ERICH1: variants seen among roughly 807,000 people sequenced by gnomAD.
ERICH1 encodes glutamate rich 1.
ERICH1 carries 56 observed loss-of-function variants against 39.6 expected under a neutral mutation model. The ratio of observed to expected loss-of-function variants is 1.41; its 90% CI spans 1.14 to 1.77. The LOEUF is 1.77. Ranked by LOEUF, ERICH1 falls within the 40% of genes most tolerant of loss-of-function variation. ERICH1 has a pLI of 0.00. For synonymous variants in ERICH1, 313 were observed against 223.6 expected (o/e 1.40, Z -3.57); for missense variants, 826 against 575.4 (o/e 1.44, Z -4.45).
At chr8:717,380 T>C (rs1048863996) in intron 1 of ERICH1, among the ~76,000 whole-genome samples, 8 of 152,142 alleles carry the variant, frequency 5.3e-5, no homozygotes, top group Non-Finnish European at 7.4e-5. Context: ...GCCTCAAGCA[T>C]ACCTGCCCGG....
intron 3 of ERICH1, among the ~76,000 whole-genome samples, chr8:625,025 C>CTACA (rs1797524141): frequency 6.6e-6 from 1 of 152,176 alleles, no homozygotes; most frequent in Non-Finnish European, 1.5e-5. Context: ...TGCACCCGGC[C>CTACA]TACACACTTT....
chr8:618,636 G>C (rs1255566466), intron 3 of ERICH1, among the ~76,000 whole-genome samples: 3 of 152,218 alleles, frequency 2.0e-5, no homozygotes, highest in Admixed American at 1.3e-4. Context: ...AAATGGGTGT[G>C]ACTGAAACCT....
chr8:631,644 T>C (rs1014584214), intron 3 of ERICH1, among the ~76,000 whole-genome samples: 6 of 152,136 alleles, frequency 3.9e-5, no homozygotes, highest in Non-Finnish European at 5.9e-5. Context: ...TACATCGTGG[T>C]AAAATATACA....
chr8:626,241 G>A (rs550482031), intron 3 of ERICH1: 4 of 152,278 alleles, frequency 2.6e-5, no homozygotes, highest in African/African-American at 9.6e-5. Context: ...TTAGGCCTGA[G>A]TCTACTTGGA....
At chr8:620,538 T>C (rs1326511113) in intron 3 of ERICH1, among the ~76,000 whole-genome samples, 1 of 152,182 alleles carries the variant, frequency 6.6e-6, no homozygotes, top group Non-Finnish European at 1.5e-5. Context: ...ATAGAAAAAG[T>C]ATTCATATTC....
chr8:660,515 C>G (rs1258964547), downstream of ERICH1, among the ~76,000 whole-genome samples: 1 of 152,244 alleles, frequency 6.6e-6, no homozygotes, highest in African/African-American at 2.4e-5. Flanking sequence ...GAACAGCATT[C>G]TGCTGGCGGC....
intron 3 of ERICH1, among the ~76,000 whole-genome samples, chr8:680,923 G>T (rs944822144): frequency 9.9e-5 from 15 of 152,192 alleles, no homozygotes; most frequent in African/African-American, 3.6e-4. Context: ...GGGGAGGAAG[G>T]GGCAGTCTCA....
At chr8:635,193 C>T (rs956992790) in intron 3 of ERICH1, among the ~76,000 whole-genome samples, 1 of 152,140 alleles carries the variant, frequency 6.6e-6, no homozygotes, top group South Asian at 2.1e-4. Flanking sequence ...GGAAACCCCC[C>T]GAGGACAGGC....
intron 3 of ERICH1, among the ~76,000 whole-genome samples, chr8:687,828 G>C (rs1156912477): frequency 1.3e-5 from 2 of 152,164 alleles, no homozygotes; most frequent in Non-Finnish European, 2.9e-5. Context: ...GCGAGGCGCG[G>C]AGAGGCCCCG....
At chr8:674,090 A>G in intron 3 of ERICH1, 43 bp from the exon 4 acceptor site, 1 of 1,496,736 alleles carries the variant, frequency 6.7e-7, no homozygotes, top group Non-Finnish European at 8.8e-7. Flanking sequence ...GTACAATGAA[A>G]CCATAACAAA....
rs1421313391 is a variant in ERICH1, at chr8:646,959, T to G, written c.976+21639A>C. Among the ~76,000 whole-genome samples, 3 of 69,076 alleles carry G rather than the reference T, an allele frequency of 4.3e-5. 1 individual carries two copies. The highest frequency in any genetic ancestry group is 1.1e-4 in the African/African-American group (3 of 27,350). 45.3% of individuals were successfully genotyped at this position (69,076 alleles called of 152,430 possible). A position where few individuals can be genotyped will look rare whatever the true frequency, so the allele number is the denominator to read the frequency against. ...AAAGCAATTCACGCCAGTTAATCTGTGCCGAGGGCCTACCAAGCCCTCCAC... is the reference window on the plus strand; with the variant it reads ...AAAGCAATTCACGCCAGTTAATCTGGGCCGAGGGCCTACCAAGCCCTCCAC... On this transcript the variant is annotated intron_variant, in intron 3 of 3. Transcript: ENST00000522706.
At chr8:715,385 A>G (rs1262158345) in intron 2 of ERICH1, among the ~76,000 whole-genome samples, 1 of 152,162 alleles carries the variant, frequency 6.6e-6, no homozygotes, top group African/African-American at 2.4e-5. Context: ...CTCTCATGGC[A>G]GATGATCCTG....
At chr8:706,211 T>C (rs930257184) in intron 2 of ERICH1, among the ~76,000 whole-genome samples, 1 of 152,242 alleles carries the variant, frequency 6.6e-6, no homozygotes, top group Non-Finnish European at 1.5e-5. Context: ...TGTTAAGTGA[T>C]GTGTGACTGT....
intron 3 of ERICH1, among the ~76,000 whole-genome samples, chr8:631,299 G>T (rs1798023772): frequency 6.6e-6 from 1 of 152,252 alleles, no homozygotes; most frequent in African/African-American, 2.4e-5. Flanking sequence ...CTGTGAGTGT[G>T]AAAGTGTCAG....
At chr8:635,892 C>T (rs1430623820) in intron 3 of ERICH1, among the ~76,000 whole-genome samples, 1 of 152,222 alleles carries the variant, frequency 6.6e-6, no homozygotes, top group East Asian at 1.9e-4. Flanking sequence ...TTCAAAGGTT[C>T]ACCCCATTTA....
In ERICH1 at chr8:700,367, G is replaced by T. The variant is rs1480387055; in HGVS notation, c.170-7755C>A. 3.4e-4 allele frequency among the ~76,000 whole-genome samples: 22 copies of T among 65,274 alleles called. 2 individuals carry two copies. Among genetic ancestry groups the T allele is most frequent in the South Asian group, 1.3e-3 (2 of 1,562 alleles). 42.8% of individuals were successfully genotyped at this position (65,274 alleles called of 152,430 possible). On this transcript the variant is annotated intron_variant, in intron 2 of 5. Transcript: ENST00000262109. Reference sequence around the variant, plus strand: ...CAGATCCGCACACGCGCACAGGCCCGCACAGGCGCACAGGCCCGCACACGC... The same window carrying T: ...CAGATCCGCACACGCGCACAGGCCCTCACAGGCGCACAGGCCCGCACACGC...
intron 5 of ERICH1, among the ~76,000 whole-genome samples, chr8:665,177 C>T (rs1801997259): frequency 6.7e-6 from 1 of 149,188 alleles, no homozygotes; most frequent in Non-Finnish European, 1.5e-5. Flanking sequence ...ACCACAATCG[C>T]GATGCCACAA....
At chr8:678,065 A>T (rs555468478) in intron 3 of ERICH1, among the ~76,000 whole-genome samples, 1 of 152,318 alleles carries the variant, frequency 6.6e-6, no homozygotes, top group African/African-American at 2.4e-5. Context: ...GAAGGAGGCA[A>T]AAAGGCCATA....
chr8:617,225 C>T (rs866720919), intron 3 of ERICH1, among the ~76,000 whole-genome samples: 8 of 152,088 alleles, frequency 5.3e-5, no homozygotes, highest in South Asian at 2.1e-4. Context: ...GAAGGGCTTC[C>T]GTAAAAAGTG....
Sources: allele counts gnomAD v4.1 joint callset (sites outside exome capture counted in the v4.1 genomes callset), GRCh38; gene constraint gnomAD v4.1.1; transcripts MANE v1.5; gene names NCBI Gene and HGNC (gene_info 2026-07-23, HGNC 2026-07-21).